The following TRPS1 variants were observed in gnomAD, a reference collection of about 807,000 sequenced individuals.
TRPS1 encodes zinc finger transcription factor Trps1.
Under a neutral mutation model 101.2 loss-of-function variants are expected in TRPS1, and 6 were observed. The ratio of observed to expected loss-of-function variants is 0.06; its 90% CI spans 0.03 to 0.12. The LOEUF (loss-of-function observed/expected upper bound fraction) is 0.12, where lower values mean the gene tolerates loss of function less well. Ranked by LOEUF, TRPS1 falls within the 10% of genes least tolerant of loss-of-function variation. The pLI, the probability that TRPS1 is intolerant of heterozygous loss-of-function variation, is 1.00. For synonymous variants in TRPS1, 578 were observed against 589.8 expected (o/e 0.98, Z 0.29); for missense variants, 1,363 against 1,567.0 (o/e 0.87, Z 2.20).
intron 5 of TRPS1, among the ~76,000 whole-genome samples, chr8:115,518,110 C>T (rs1485406144): frequency 2.7e-5 from 1 of 36,908 alleles, no homozygotes; most frequent in African/African-American, 1.1e-4. Context: ...TAGTAAAGAG[C>T]AACAGGCTCA....
chr8:115,556,110 G>C (rs748038231), intron 5 of TRPS1, among the ~76,000 whole-genome samples: 1 of 152,136 alleles, frequency 6.6e-6, no homozygotes, highest in Non-Finnish European at 1.5e-5. Flanking sequence ...TCTACATGTG[G>C]ATCTCAAACA....
In TRPS1 at chr8:115,414,640, G is replaced by A; in HGVS notation, c.3268C>T (p.His1090Tyr). 4 of 1,614,074 alleles carry A rather than the reference G, an allele frequency of 2.5e-6. No individual in the cohort carries two copies. The highest frequency in any genetic ancestry group is 3.4e-6 in the Non-Finnish European group (4 of 1,179,956). ...CTGCCTGGTGGTGAATAATTTGGGT[G>A]TTTCGCAGGTCTCATGTACTTTTCT... ...PIEKYMRPAK[H>Y]PNYSPPGSPI... Residue 1090 changes from histidine (H) to tyrosine (Y), a missense_variant, in exon 7 of 7, where the codon CAC (histidine) becomes TAC (tyrosine). This residue lies in a region of TRPS1 where 307 missense variants were observed against 392.4 expected (regional missense o/e 0.78). Coordinates refer to ENST00000395715, the MANE Select transcript of TRPS1 (RefSeq NM_014112.5). This position sits in a 1 kb window ranked among gnomAD's most constrained non-coding sequence, Gnocchi z 4.8.
rs180782725 is a variant in TRPS1, at chr8:115,625,502, G to A, written c.-121-1744C>T. ...CGCCAAGGGTGGTTTAAATACCACCGAAGCCTATCTTTGCCTCAATTTCTC... is the reference window on the plus strand; with the variant it reads ...CGCCAAGGGTGGTTTAAATACCACCAAAGCCTATCTTTGCCTCAATTTCTC... On this transcript the variant is annotated intron_variant, in intron 1 of 6. Transcript: ENST00000395715. 2.5e-4 allele frequency among the ~76,000 whole-genome samples: 38 copies of A among 151,902 alleles called. 1 individual carries two copies. The East Asian group carries it at 6.0e-3, about 24-fold the overall frequency.
intron 5 of TRPS1, among the ~76,000 whole-genome samples, chr8:115,426,124 A>T (rs538057949): frequency 2.0e-5 from 3 of 152,196 alleles, no homozygotes; most frequent in African/African-American, 7.2e-5. Flanking sequence ...CAGCTACAAC[A>T]ATGGCTGGAA....
chr8:115,584,740 C>G (rs1343177955), intron 5 of TRPS1, among the ~76,000 whole-genome samples: 1 of 151,248 alleles, frequency 6.6e-6, no homozygotes, highest in African/African-American at 2.4e-5. Flanking sequence ...GTCAAATTCA[C>G]AATGAGAATG....
intron 1 of TRPS1, among the ~76,000 whole-genome samples, chr8:115,664,882 T>G (rs1251460472): frequency 6.6e-6 from 1 of 152,158 alleles, no homozygotes; most frequent in Non-Finnish European, 1.5e-5. Flanking sequence ...GTCAGCCTGT[T>G]GAATGAATGG....
rs145290465 is a variant in TRPS1, at chr8:115,533,359, C to T, written c.2700+53642G>A. The stretch of plus-strand genomic sequence containing the variant: ...ACGGTAAATCCTGTCTACAATGCCA[C>T]ACAGGGAGTACCTATATGAACTTTC... On this transcript the variant is annotated intron_variant, in intron 5 of 6. Coordinates refer to ENST00000395715, the MANE Select transcript of TRPS1 (RefSeq NM_014112.5). 4.3e-3 allele frequency among the ~76,000 whole-genome samples: 635 copies of T among 148,974 alleles called. 10 individuals are homozygous for T. The highest frequency in any genetic ancestry group is 3.3e-3 in the Non-Finnish European group (224 of 67,512).
intron 5 of TRPS1, among the ~76,000 whole-genome samples, chr8:115,583,639 G>A (rs1046773271): frequency 1.3e-5 from 2 of 151,884 alleles, no homozygotes; most frequent in African/African-American, 2.4e-5. Flanking sequence ...CAAAAATTTT[G>A]TAGAAATATT....
At chr8:115,536,949 A>G (rs1483583) in intron 5 of TRPS1, among the ~76,000 whole-genome samples, 103,437 of 151,938 alleles carry the variant, frequency 0.68, 36,774 homozygotes, top group African/African-American at 0.88. Context: ...ATTGCCTTAA[A>G]GGAAAATTGA....
Position 115,414,321 on chromosome 8 carries a change from T to C in TRPS1, c.3587A>G (p.Glu1196Gly). 6.2e-7 allele frequency: 1 copy of C among 1,614,024 alleles called. No individual in the cohort carries two copies. Among genetic ancestry groups the C allele is most frequent in the Non-Finnish European group, 8.5e-7 (1 of 1,179,954 alleles). The change falls in exon 7 of 7, where the codon GAG (glutamate) becomes GGG (glycine). Residue 1196 changes from glutamate (E) to glycine (G), a missense_variant. By Grantham distance (98) the Glu-to-Gly change is moderately conservative (BLOSUM62 -2). Around this residue, in one of 5 missense-constraint regions of TRPS1, gnomAD observed 307 missense variants for 392.4 expected, o/e 0.78. Coordinates refer to ENST00000395715, the MANE Select transcript of TRPS1 (RefSeq NM_014112.5). This position sits in a 1 kb window ranked among gnomAD's most constrained non-coding sequence, Gnocchi z 4.8. ...PGPTANGASK[E>G]KTKAPPNVKN... ...TACATTTGGTGGTGCCTTCGTTTTC[T>C]CCTTGGAGGCACCGTTTGCAGTTGG...
At chr8:115,601,031 G>A (rs2721929) in intron 4 of TRPS1, among the ~76,000 whole-genome samples, 105,360 of 151,946 alleles carry the variant, frequency 0.69, 38,043 homozygotes, top group African/African-American at 0.89. Flanking sequence ...CTTAAAGAAA[G>A]CACCCATGCA....
rs558633332 is a variant in TRPS1, at chr8:115,538,284, C to A, written c.2700+48717G>T. The stretch of plus-strand genomic sequence containing the variant: ...GTGTAAATCACTAACTTGAAAGTTT[C>A]TTTTCAAAGTATTTAAAACCAACTC... On this transcript the variant is annotated intron_variant, in intron 5 of 6. Coordinates refer to ENST00000395715, the MANE Select transcript of TRPS1 (RefSeq NM_014112.5). Among the ~76,000 whole-genome samples the A allele has an allele frequency of 2.0e-5, 3 of 152,230 alleles. No homozygotes were observed. In the South Asian group the frequency reaches 6.2e-4, roughly 32 times the overall value.
At chr8:115,658,854 G>T (rs895765850) in intron 1 of TRPS1, among the ~76,000 whole-genome samples, 2 of 152,074 alleles carry the variant, frequency 1.3e-5, no homozygotes, top group Admixed American at 6.6e-5. Flanking sequence ...CAGTGAAGGT[G>T]CAAGATTGTG....
chr8:115,590,165 T>C (rs998945136), intron 4 of TRPS1, among the ~76,000 whole-genome samples: 1 of 152,058 alleles, frequency 6.6e-6, no homozygotes, highest in African/African-American at 2.4e-5. Context: ...ACATTCTAGT[T>C]TAATCTAACG....
Position 115,462,344 on chromosome 8 carries a change from C to G in TRPS1, c.2701-43892G>C, listed in dbSNP as rs543428758. Among the ~76,000 whole-genome samples the G allele has an allele frequency of 7.2e-5, 11 of 152,218 alleles. 1 individual carries two copies. In the South Asian group the frequency reaches 2.1e-3, roughly 29 times the overall value. ...AACAGACTGAGAATTTATAGTGTAG[C>G]GAAGGGCAGTCTAATGCAGTAGTTA... is the stretch of plus-strand genomic sequence containing the variant. On this transcript the variant is annotated intron_variant, in intron 5 of 6. Transcript: ENST00000395715.
chr8:115,625,068 A>C (rs1818475711), intron 1 of TRPS1, among the ~76,000 whole-genome samples: 1 of 151,982 alleles, frequency 6.6e-6, no homozygotes, highest in African/African-American at 2.4e-5. Context: ...GTAATTTAAA[A>C]ACAGAGCTTA....
At chr8:115,578,465 T>C (rs1045555858) in intron 5 of TRPS1, among the ~76,000 whole-genome samples, 1 of 152,104 alleles carries the variant, frequency 6.6e-6, no homozygotes, top group East Asian at 1.9e-4. Context: ...TCCTTCAAAA[T>C]GTCCTTTATA....
chr8:115,471,173 T>C (rs781679798), intron 5 of TRPS1, among the ~76,000 whole-genome samples: 4 of 152,174 alleles, frequency 2.6e-5, no homozygotes, highest in Non-Finnish European at 5.9e-5. Context: ...TCCATTCTTG[T>C]GCTGCTATAC....
intron 5 of TRPS1, among the ~76,000 whole-genome samples, chr8:115,550,288 A>T (rs183712027): frequency 9.2e-5 from 14 of 152,294 alleles, no homozygotes; most frequent in Admixed American, 2.6e-4. Flanking sequence ...ATAGTTCTGT[A>T]ACAATAACAA....
Sources: gnomAD v4.1 joint callset for allele counts (sites outside exome capture counted in the v4.1 genomes callset) on GRCh38, gnomAD v4.1.1 for gene constraint, gnomAD v4.1.1 regional missense constraint, Gnocchi (gnomAD v3.1) non-coding constraint, MANE v1.5 for transcripts, NCBI Gene and HGNC (gene_info 2026-07-23, HGNC 2026-07-21) for gene names.